The following MAP4K3 variants were observed in gnomAD, a reference collection of about 807,000 sequenced individuals.
MAP4K3 encodes MAPK/ERK kinase kinase kinase 3.
A neutral mutation model predicts 143.5 loss-of-function variants in MAP4K3; 94 were observed. That is an observed-to-expected ratio of 0.65 (90% CI 0.55 to 0.78). The LOEUF (loss-of-function observed/expected upper bound fraction) is 0.78. MAP4K3 is among the 30% of genes least tolerant of loss of function. MAP4K3 has a pLI of 0.00. For synonymous variants in MAP4K3, 416 were observed against 347.2 expected (o/e 1.20, Z -2.20); for missense variants, 1,077 against 1,068.1 (o/e 1.01, Z -0.12).
chr2:39,306,273 G>C (rs1682704147), intron 15 of MAP4K3, among the ~76,000 whole-genome samples: 1 of 152,090 alleles, frequency 6.6e-6, no homozygotes, highest in African/African-American at 2.4e-5. Context: ...TGTCATTCTA[G>C]CCTACGTGTG....
chr2:39,268,185 T>A (rs1680846550), intron 26 of MAP4K3, among the ~76,000 whole-genome samples: 1 of 152,150 alleles, frequency 6.6e-6, no homozygotes, highest in African/African-American at 2.4e-5. Context: ...CAATTCTGAA[T>A]TTTTTTAAAA....
chr2:39,378,390 A>G (rs1372977642), intron 1 of MAP4K3, among the ~76,000 whole-genome samples: 1 of 152,200 alleles, frequency 6.6e-6, no homozygotes, highest in African/African-American at 2.4e-5. Context: ...TTTAATATTA[A>G]TTCATTTAAT....
chr2:39,313,344 T>C (rs927305883), intron 13 of MAP4K3, among the ~76,000 whole-genome samples: 3 of 152,178 alleles, frequency 2.0e-5, no homozygotes, highest in African/African-American at 7.2e-5. Context: ...ACCCAATAGT[T>C]ACTTTTTCTG....
intron 17 of MAP4K3, 135 bp downstream of exon 17, chr2:39,293,095 C>T (rs1489965366): frequency 6.8e-6 from 5 of 739,768 alleles, no homozygotes; most frequent in Non-Finnish European, 1.2e-5. Flanking sequence ...CCAGCCTGGG[C>T]AACAGAGCGA....
At chr2:39,432,452 G>A (rs1394488334) in intron 1 of MAP4K3, among the ~76,000 whole-genome samples, 2 of 152,178 alleles carry the variant, frequency 1.3e-5, no homozygotes, top group African/African-American at 4.8e-5. Flanking sequence ...TGATCTTTCT[G>A]AAGTTTAGGG....
chr2:39,349,653 G>A (rs962880708), intron 3 of MAP4K3, among the ~76,000 whole-genome samples: 1 of 151,696 alleles, frequency 6.6e-6, no homozygotes, highest in Non-Finnish European at 1.5e-5. Flanking sequence ...AGAGAAGGGA[G>A]AGGTAACAAA....
chr2:39,351,474 T>TTC (rs1665455834), intron 3 of MAP4K3, among the ~76,000 whole-genome samples: 1 of 152,240 alleles, frequency 6.6e-6, no homozygotes, highest in African/African-American at 2.4e-5. Context: ...TCATGCCTAC[T>TTC]TCTCCTGTTA....
In MAP4K3 at chr2:39,272,362, G is replaced by C; in HGVS notation, c.1894C>G (p.Leu632Val). ...TGCATTTGTCTTGCATAATCAAAAA[G>C]CCCTGGTAAATTATGGGAATAAAGC... ...SQLYSHNLPG[L>V]FDYARQMQKL... is the part of the protein sequence containing the mutation. The change falls in exon 26 of 34, where the codon CTT becomes GTT. Residue 632 changes from leucine (L) to valine (V), a missense_variant. Coordinates refer to ENST00000263881, the MANE Select transcript of MAP4K3 (RefSeq NM_003618.4). The C allele has an allele frequency of 6.2e-7, 1 of 1,613,716 alleles. No individual in the cohort carries two copies. The highest frequency in any genetic ancestry group is 1.1e-5 in the South Asian group (1 of 91,064).
chr2:39,299,953 C>T (rs899779389), intron 15 of MAP4K3, 152 bp from the exon 16 acceptor site: 56 of 362,224 alleles, frequency 1.5e-4, no homozygotes, highest in Middle Eastern at 7.7e-4. Flanking sequence ...AAGGATTTCA[C>T]GAGTTCATAG....
At chr2:39,388,258 C>A (rs1433580085) in intron 1 of MAP4K3, among the ~76,000 whole-genome samples, 1 of 152,190 alleles carries the variant, frequency 6.6e-6, no homozygotes, top group Non-Finnish European at 1.5e-5. Flanking sequence ...TGTGCGTAAA[C>A]ACCTTCCAAG....
At chr2:39,370,910 TATATA>T (rs1326068023) in intron 2 of MAP4K3, among the ~76,000 whole-genome samples, 1 of 152,200 alleles carries the variant, frequency 6.6e-6, no homozygotes, top group Non-Finnish European at 1.5e-5. Flanking sequence ...ATAACTTATT[TATATA>T]ATAACACCTT....
chr2:39,365,827 T>C (rs1665907950), intron 2 of MAP4K3, among the ~76,000 whole-genome samples: 2 of 152,202 alleles, frequency 1.3e-5, no homozygotes, highest in South Asian at 2.1e-4. Context: ...CTCATGCCAT[T>C]GTTATGGGTA....
chr2:39,254,616 T>C, intron 31 of MAP4K3, 96 bp from the exon 32 acceptor site: 1 of 829,518 alleles, frequency 1.2e-6, no homozygotes, highest in Non-Finnish European at 2.0e-6. Flanking sequence ...AATATTTCAA[T>C]TCACAACTAA....
intron 2 of MAP4K3, among the ~76,000 whole-genome samples, chr2:39,366,635 G>A (rs114775617): frequency 0.018 from 2,736 of 152,248 alleles, 87 homozygotes; most frequent in African/African-American, 0.061. Flanking sequence ...GCCCAGTGGA[G>A]GGGTTCGTTT....
At chr2:39,346,644 T>C (rs904076664) in intron 3 of MAP4K3, among the ~76,000 whole-genome samples, 2 of 152,146 alleles carry the variant, frequency 1.3e-5, no homozygotes, top group African/African-American at 4.8e-5. Flanking sequence ...CCAGAAGCAG[T>C]TGGTTAGCAT....
At chr2:39,282,583 C>T (rs755695909) in intron 21 of MAP4K3, 29 bp from the exon 22 acceptor site, 2 of 1,524,924 alleles carry the variant, frequency 1.3e-6, no homozygotes, top group Non-Finnish European at 1.8e-6. Flanking sequence ...TATGATTACA[C>T]TTTTTTTGCT....
At chr2:39,370,690 G>C (rs115638717) in intron 2 of MAP4K3, among the ~76,000 whole-genome samples, 27 of 152,244 alleles carry the variant, frequency 1.8e-4, no homozygotes, top group African/African-American at 6.3e-4. Flanking sequence ...AAGTTTCTCT[G>C]TTTATCAACC....
At chr2:39,409,709 A>C (rs1376035628) in intron 1 of MAP4K3, among the ~76,000 whole-genome samples, 4 of 152,240 alleles carry the variant, frequency 2.6e-5, no homozygotes, top group Admixed American at 2.6e-4. Flanking sequence ...AAAATAAACA[A>C]AAACAAGGTT....
intron 22 of MAP4K3, 72 bp downstream of exon 22, chr2:39,282,437 CAAAA>C: frequency 8.2e-7 from 1 of 1,219,324 alleles, no homozygotes; most frequent in Non-Finnish European, 1.2e-6. Flanking sequence ...TTCAAACAGA[CAAAA>C]AAACCTAAGC....
Sources: allele counts gnomAD v4.1 joint callset (sites outside exome capture counted in the v4.1 genomes callset), GRCh38; gene constraint gnomAD v4.1.1; transcripts MANE v1.5; gene names NCBI Gene and HGNC (gene_info 2026-07-23, HGNC 2026-07-21).